The following BMPR1A variants were observed in gnomAD, a reference collection of about 807,000 sequenced individuals.
BMPR1A encodes the protein bone morphogenetic protein receptor type 1A, also known as bone morphogenetic protein receptor type-1A.
Under a neutral mutation model 66.0 loss-of-function variants are expected in BMPR1A, and 7 were observed. The observed-to-expected ratio is 0.11, with a 90% CI of 0.06 to 0.20. The LOEUF (loss-of-function observed/expected upper bound fraction) is 0.20, where lower values mean the gene tolerates loss of function less well. Ranked by LOEUF, BMPR1A falls within the 10% of genes least tolerant of loss-of-function variation. The pLI is 1.00. For missense variants in BMPR1A, 408 were observed against 669.1 expected (o/e 0.61, Z 4.31); for synonymous variants, 200 against 229.7 (o/e 0.87, Z 1.17).
chr10:86,790,094 T>C (rs1841578583), intron 1 of BMPR1A, among the ~76,000 whole-genome samples: 1 of 123,394 alleles, frequency 8.1e-6, no homozygotes, highest in Admixed American at 9.3e-5. Context: ...AGGCAGAGCT[T>C]GCAGTGAGCC....
rs190510781 is a variant in BMPR1A at position 86,824,360 on chromosome 10, C to G, written c.-267-14505C>G. Among the ~76,000 whole-genome samples, 14 of 152,200 alleles carry G rather than the reference C, an allele frequency of 9.2e-5. No homozygotes were observed. The East Asian group carries it at 2.5e-3, about 27-fold the overall frequency. Reference sequence around the variant, plus strand: ...CTTGATTGCCCTAGTTGCTGCTCATCCTGCATCCAGGCCCCTCCCTTAGGC... The same window carrying G: ...CTTGATTGCCCTAGTTGCTGCTCATGCTGCATCCAGGCCCCTCCCTTAGGC... On this transcript the variant is annotated intron_variant, in intron 1 of 12. Coordinates refer to ENST00000372037, the MANE Select transcript of BMPR1A (RefSeq NM_004329.3).
chr10:86,889,991 C>T, intron 3 of BMPR1A, 71 bp from the exon 4 acceptor site: 1 of 1,539,334 alleles, frequency 6.5e-7, no homozygotes, highest in Non-Finnish European at 9.0e-7. Flanking sequence ...AACTTTTTCT[C>T]ATTGAAAATT....
chr10:86,809,137 G>A (rs1439621909), intron 1 of BMPR1A, among the ~76,000 whole-genome samples: 2 of 152,086 alleles, frequency 1.3e-5, no homozygotes, highest in East Asian at 3.9e-4. Flanking sequence ...TTCCTCTCCT[G>A]TTTTATTAAA....
chr10:86,915,349 T>A (rs1843551033), intron 8 of BMPR1A, among the ~76,000 whole-genome samples: 1 of 152,216 alleles, frequency 6.6e-6, no homozygotes, highest in South Asian at 2.1e-4. Flanking sequence ...AGAATTTTTT[T>A]ACGTTATTAA....
Position 86,779,153 on chromosome 10 carries a change from C to T in BMPR1A, c.-268+22234C>T, listed in dbSNP as rs566932206. On this transcript the variant is annotated intron_variant, in intron 1 of 12. Transcript: ENST00000372037. ...ATCCATTCCTCTGTTATTAGATGTC[C>T]CGTTTGTCTAACCCATATCTAGGCT... Among the ~76,000 whole-genome samples the T allele has an allele frequency of 2.0e-5, 3 of 152,100 alleles. No individual in the cohort carries two copies. The South Asian group carries it at 6.2e-4, about 32-fold the overall frequency.
At chr10:86,767,274 G>A (rs1042770573) in intron 1 of BMPR1A, among the ~76,000 whole-genome samples, 1 of 152,040 alleles carries the variant, frequency 6.6e-6, no homozygotes, top group Non-Finnish European at 1.5e-5. Context: ...TTTGATTTTT[G>A]TGCTAAAATA....
At position 86,890,176 on chromosome 10, in the gene BMPR1A, G is replaced by A; in HGVS notation, c.182G>A (p.Cys61Tyr). 6.2e-7 allele frequency: 1 copy of A among 1,614,130 alleles called. No homozygotes were observed. Among genetic ancestry groups the A allele is most frequent in the Non-Finnish European group, 8.5e-7 (1 of 1,180,004 alleles). ...APEDTLPFLK[C>Y]YCSGHCPDDA... ...GAGGATACCTTGCCTTTTTTAAAGT[G>A]CTATTGCTCAGGGCACTGTCCAGAT... The change falls in exon 4 of 13, where the codon TGC becomes TAC. Residue 61 changes from cysteine (C) to tyrosine (Y), a missense_variant. Physicochemically the swap from Cys to Tyr is radical, Grantham distance 194. Around this residue, in one of 5 missense-constraint regions of BMPR1A, gnomAD observed 68 missense variants for 83.0 expected, o/e 0.82. Coordinates refer to ENST00000372037, the MANE Select transcript of BMPR1A (RefSeq NM_004329.3).
At chr10:86,772,128 T>TG (rs1841273855) in intron 1 of BMPR1A, among the ~76,000 whole-genome samples, 1 of 51,970 alleles carries the variant, frequency 1.9e-5, no homozygotes, top group African/African-American at 5.4e-5. Flanking sequence ...AGAGATAGGT[T>TG]TTTTTTTTTT....
intron 3 of BMPR1A, among the ~76,000 whole-genome samples, chr10:86,884,191 C>T (rs900064644): frequency 1.3e-5 from 2 of 151,448 alleles, no homozygotes; most frequent in African/African-American, 4.9e-5. Context: ...CTTAAGCGAT[C>T]CTTCCGCCTC....
intron 1 of BMPR1A, among the ~76,000 whole-genome samples, chr10:86,835,461 G>A (rs1297241852): frequency 7.0e-6 from 1 of 142,964 alleles, no homozygotes; most frequent in Non-Finnish European, 1.5e-5. Context: ...TGAGGCAGGA[G>A]AATGGCTTGA....
At chr10:86,780,128 C>G (rs1223612521) in intron 1 of BMPR1A, among the ~76,000 whole-genome samples, 1 of 152,022 alleles carries the variant, frequency 6.6e-6, no homozygotes, top group Admixed American at 6.6e-5. Context: ...TGTGTCTGTT[C>G]AGATCATTTG....
chr10:86,914,591 G>C (rs1036900215), intron 8 of BMPR1A, among the ~76,000 whole-genome samples: 1 of 152,080 alleles, frequency 6.6e-6, no homozygotes, highest in Admixed American at 6.6e-5. Flanking sequence ...CCCCAAAGAA[G>C]ATATAAGAAT....
chr10:86,811,001 C>T (rs577927070), intron 1 of BMPR1A, among the ~76,000 whole-genome samples: 56 of 152,254 alleles, frequency 3.7e-4, no homozygotes, highest in African/African-American at 1.1e-3. Flanking sequence ...CCCACCTTGC[C>T]GGTGAACCAC....
Position 86,927,846 on chromosome 10 carries a change from TA to T in BMPR1A, c.*4130del. 5.1e-6 allele frequency: 1 copy of T among 196,002 alleles called. No homozygotes were observed. The highest frequency in any genetic ancestry group is 8.1e-5 in the East Asian group (1 of 12,390). 12.1% of individuals were successfully genotyped at this position (196,002 alleles called of 1,614,324 possible). A position where few individuals can be genotyped will look rare whatever the true frequency, so the allele number is the denominator to read the frequency against. On this transcript the variant is annotated 3_prime_UTR_variant, in exon 13 of 13. Coordinates refer to ENST00000372037, the MANE Select transcript of BMPR1A (RefSeq NM_004329.3). Reference sequence around the variant, plus strand: ...GATTCGTCTTTGACGTGTAACACACTAAATGTATTTTGTACAGCATCTGGTT... The same window carrying T: ...GATTCGTCTTTGACGTGTAACACACTAATGTATTTTGTACAGCATCTGGTT...
intron 1 of BMPR1A, among the ~76,000 whole-genome samples, chr10:86,817,650 T>A (rs1460211992): frequency 6.6e-6 from 1 of 152,050 alleles, no homozygotes; most frequent in Non-Finnish European, 1.5e-5. Context: ...CTACTAAGAC[T>A]AAATAATGAA....
At chr10:86,777,752 G>A (rs757547694) in intron 1 of BMPR1A, among the ~76,000 whole-genome samples, 1 of 152,020 alleles carries the variant, frequency 6.6e-6, no homozygotes, top group Admixed American at 6.5e-5. Flanking sequence ...AGTGGCTCAT[G>A]CCTGTAATCC....
intron 1 of BMPR1A, among the ~76,000 whole-genome samples, chr10:86,786,847 T>C (rs916363182): frequency 7.2e-5 from 11 of 152,244 alleles, no homozygotes; most frequent in Admixed American, 3.3e-4. Flanking sequence ...AGAATGGCTC[T>C]TTTTGTCCAA....
At position 86,925,721 on chromosome 10, in the gene BMPR1A, C is replaced by CTTTTTTTT. The variant is rs11450437; in HGVS notation, c.*2012_*2019dup. On this transcript the variant is annotated 3_prime_UTR_variant, in exon 13 of 13. Transcript: ENST00000372037. ...CATAATCTTTAAAATCATTTGTCAT[C>CTTTTTTTT]TTTTTTTTTTTTTTTTTGAGACGGA... is the stretch of plus-strand genomic sequence containing the variant. The CTTTTTTTT allele has an allele frequency of 2.0e-4, 23 of 117,112 alleles. 1 individual carries two copies. The highest frequency in any genetic ancestry group is 8.7e-4 in the East Asian group (3 of 3,462). The allele number at this position is 117,112 out of a possible 1,614,324, so 7.3% of individuals were successfully genotyped here.
intron 1 of BMPR1A, among the ~76,000 whole-genome samples, chr10:86,766,731 T>A (rs1444888253): frequency 1.3e-5 from 2 of 150,848 alleles, no homozygotes; most frequent in Non-Finnish European, 2.9e-5. Flanking sequence ...TTCTCCTGCC[T>A]CAGCCTCCCG....
Sources: allele counts gnomAD v4.1 joint callset (sites outside exome capture counted in the v4.1 genomes callset), GRCh38; gene constraint gnomAD v4.1.1; regional missense constraint gnomAD v4.1.1; transcripts MANE v1.5; gene names NCBI Gene and HGNC (gene_info 2026-07-23, HGNC 2026-07-21).